Variants in CEP70 observed in about 807,000 individuals in gnomAD.
CEP70 encodes centrosomal protein 70, also known as centrosomal protein of 70 kDa.
CEP70 carries 70 observed loss-of-function variants against 90.9 expected under a neutral mutation model. That is an observed-to-expected ratio of 0.77 (90% CI 0.64 to 0.94). The LOEUF is 0.94. Among genes scored for constraint, CEP70 ranks in the 40% least tolerant of loss-of-function variants. The pLI, the probability that CEP70 is intolerant of heterozygous loss-of-function variation, is 0.00. For missense variants in CEP70, 648 were observed against 669.0 expected, an observed-to-expected ratio of 0.97 and a Z score of 0.35; for synonymous variants, 220 against 228.3, an observed-to-expected ratio of 0.96 and a Z score of 0.33.
intron 12 of CEP70, among the ~76,000 whole-genome samples, chr3:138,506,746 T>G (rs968864504): frequency 6.6e-6 from 1 of 152,088 alleles, no homozygotes; most frequent in African/African-American, 2.4e-5. Flanking sequence ...TGTATATTTG[T>G]TTTATATATT....
intron 2 of CEP70, among the ~76,000 whole-genome samples, chr3:138,574,218 A>T (rs1267778462): frequency 6.6e-6 from 1 of 152,192 alleles, no homozygotes; most frequent in Non-Finnish European, 1.5e-5. Flanking sequence ...TGTACCAGGA[A>T]AATCCAGACA....
chr3:138,514,424 A>T (rs921984673), intron 11 of CEP70, among the ~76,000 whole-genome samples: 4 of 152,198 alleles, frequency 2.6e-5, no homozygotes, highest in Non-Finnish European at 5.9e-5. Flanking sequence ...AATCTGATTG[A>T]ATCTGATTGA....
At chr3:138,543,831 G>T (rs1392614937) in intron 6 of CEP70, among the ~76,000 whole-genome samples, 1 of 152,038 alleles carries the variant, frequency 6.6e-6, no homozygotes, top group Admixed American at 6.6e-5. Flanking sequence ...AAAACAAAAA[G>T]CTCCCCCTCA....
chr3:138,525,046 A>T (rs2037070234), intron 11 of CEP70, among the ~76,000 whole-genome samples: 1 of 152,206 alleles, frequency 6.6e-6, no homozygotes, highest in Admixed American at 6.5e-5. Flanking sequence ...TGGATTAAGA[A>T]AATGTGGCAC....
chr3:138,508,547 A>G lies in CEP70; in HGVS notation c.945-3T>C. On this transcript the variant is annotated splice_region_variant and splice_polypyrimidine_tract_variant and intron_variant, in intron 11 of 17. Transcript: ENST00000264982. ...TATGATTAATAAGCTCCTGTAATCTAAAAGGGGGAAAAAAATCAAGATAAT... is the reference window on the plus strand; with the variant it reads ...TATGATTAATAAGCTCCTGTAATCTGAAAGGGGGAAAAAAATCAAGATAAT... 1 of 1,550,120 alleles carries G rather than the reference A, an allele frequency of 6.5e-7. No homozygotes were observed. The highest frequency in any genetic ancestry group is 2.2e-5 in the East Asian group (1 of 44,456).
intron 6 of CEP70, among the ~76,000 whole-genome samples, chr3:138,555,907 C>T (rs1289598615): frequency 6.6e-6 from 1 of 152,208 alleles, no homozygotes; most frequent in Non-Finnish European, 1.5e-5. Context: ...AACAATCCCA[C>T]TACTGGGTAT....
chr3:138,586,855 G>A (rs1422972143), intron 2 of CEP70, among the ~76,000 whole-genome samples: 1 of 151,976 alleles, frequency 6.6e-6, no homozygotes, highest in Non-Finnish European at 1.5e-5. Flanking sequence ...CTAACACAAA[G>A]GATAAATGCT....
rs763421968 is a variant in CEP70, at chr3:138,505,478, A to T, written c.1051-13T>A. ...TGCTACACAGCACCTTTAAAAAAAC[A>T]TAGTGTATATAGTCAAAATATTTAT... On this transcript the variant is annotated splice_polypyrimidine_tract_variant and intron_variant, in intron 12 of 17. Coordinates refer to ENST00000264982, the MANE Select transcript of CEP70 (RefSeq NM_024491.4). 4.6e-6 allele frequency: 7 copies of T among 1,525,366 alleles called. No individual in the cohort carries two copies. Among genetic ancestry groups the T allele is most frequent in the Admixed American group, 2.1e-5 (1 of 47,826 alleles). The allele number at this position is 1,525,366 out of a possible 1,614,324, so 94.5% of individuals were successfully genotyped here.
chr3:138,534,814 C>T (rs537852608), intron 7 of CEP70, among the ~76,000 whole-genome samples: 47 of 152,238 alleles, frequency 3.1e-4, no homozygotes, highest in Non-Finnish European at 5.9e-4. Flanking sequence ...CGGTTTCTTC[C>T]CCGTTCCTTC....
chr3:138,536,183 A>G (rs1001003198), intron 7 of CEP70, among the ~76,000 whole-genome samples: 1 of 152,172 alleles, frequency 6.6e-6, no homozygotes, highest in Admixed American at 6.5e-5. Context: ...GTGCTAGTAC[A>G]TAAGAGAGAA....
At chr3:138,542,562 A>G in intron 6 of CEP70, among the ~76,000 whole-genome samples, 1 of 152,198 alleles carries the variant, frequency 6.6e-6, no homozygotes, top group East Asian at 1.9e-4. Flanking sequence ...CTGGCCCCAC[A>G]GCTGCTTCCC....
chr3:138,555,710 T>C (rs1217836367), intron 6 of CEP70, among the ~76,000 whole-genome samples: 1 of 152,076 alleles, frequency 6.6e-6, no homozygotes, highest in Non-Finnish European at 1.5e-5. Flanking sequence ...AAAACCACAA[T>C]GTGATACCAC....
chr3:138,579,839 C>T (rs1167908483), intron 2 of CEP70, among the ~76,000 whole-genome samples: 2 of 151,778 alleles, frequency 1.3e-5, no homozygotes, highest in South Asian at 2.1e-4. Flanking sequence ...GAAAAGTAGA[C>T]GGAAGAGTAA....
At position 138,499,735 on chromosome 3, in the gene CEP70, G is replaced by C. The variant is rs141889886; in HGVS notation, c.1652+375C>G. 382 of 159,686 alleles carry C rather than the reference G, an allele frequency of 2.4e-3. 1 individual carries two copies. The highest frequency in any genetic ancestry group is 3.9e-3 in the Non-Finnish European group (283 of 72,762). The allele number at this position is 159,686 out of a possible 1,614,324, so 9.9% of individuals were successfully genotyped here. The stretch of plus-strand genomic sequence containing the variant: ...GCGGATCACTTGAGCCCAGGAATTT[G>C]AGACTGGTCTGGGCAACATGGTGCA... On this transcript the variant is annotated intron_variant, in intron 16 of 17. Coordinates refer to ENST00000264982, the MANE Select transcript of CEP70 (RefSeq NM_024491.4).
At chr3:138,505,894 C>T (rs1384596518) in intron 12 of CEP70, among the ~76,000 whole-genome samples, 2 of 152,204 alleles carry the variant, frequency 1.3e-5, no homozygotes, top group African/African-American at 4.8e-5. Flanking sequence ...CTAAAGTCTA[C>T]TGATTCGGAT....
intron 16 of CEP70, 26 bp from the exon 17 acceptor site, chr3:138,498,136 C>T (rs377145448): frequency 3.2e-6 from 5 of 1,583,096 alleles, no homozygotes; most frequent in Non-Finnish European, 4.3e-6. Flanking sequence ...ACAATTTAAA[C>T]CTGATTTCTA....
At chr3:138,592,634 TA>T (rs1299124204) in intron 1 of CEP70, among the ~76,000 whole-genome samples, 1 of 152,120 alleles carries the variant, frequency 6.6e-6, no homozygotes, top group Admixed American at 6.5e-5. Context: ...AGCAAAAACA[TA>T]ATTGCATCTT....
chr3:138,517,760 G>T (rs960843712), intron 11 of CEP70, among the ~76,000 whole-genome samples: 8 of 152,230 alleles, frequency 5.3e-5, no homozygotes, highest in African/African-American at 1.9e-4. Flanking sequence ...CATGAGCAAC[G>T]CAGAAGACGG....
chr3:138,512,604 A>C (rs566893024), intron 11 of CEP70, among the ~76,000 whole-genome samples: 1 of 152,312 alleles, frequency 6.6e-6, no homozygotes, highest in African/African-American at 2.4e-5. Flanking sequence ...TGCTTTGCAG[A>C]CACTCATTCC....
Sources: gnomAD v4.1 joint callset for allele counts (sites outside exome capture counted in the v4.1 genomes callset) on GRCh38, gnomAD v4.1.1 for gene constraint, MANE v1.5 for transcripts, NCBI Gene and HGNC (gene_info 2026-07-23, HGNC 2026-07-21) for gene names.